CACNA1H: variants seen among roughly 807,000 people sequenced by gnomAD.
CACNA1H encodes voltage-dependent T-type calcium channel subunit alpha-1H.
CACNA1H carries 149 observed loss-of-function variants against 192.5 expected under a neutral mutation model. The ratio of observed to expected loss-of-function variants is 0.77; its 90% CI spans 0.68 to 0.89. The LOEUF (loss-of-function observed/expected upper bound fraction) is 0.89. Ranked by LOEUF, CACNA1H falls within the 40% of genes least tolerant of loss-of-function variation. The probability of loss-of-function intolerance (pLI) is 0.00; values close to 1 mark genes in which losing one functional copy is unlikely to be tolerated. For missense variants in CACNA1H, 4,257 were observed against 3,423.5 expected, an observed-to-expected ratio of 1.24 and a Z score of -6.08; for synonymous variants, 2,202 against 1,475.2, an observed-to-expected ratio of 1.49 and a Z score of -11.29.
Position 1,204,113 on chromosome 16 carries a change from C to T in CACNA1H, c.2106C>T (p.Tyr702=). ...CCTGTGAGCTGAAGAGCTGCCCGTA[C>T]TGCACCCGTGCCCTGGAGGACCCGG... is the stretch of plus-strand genomic sequence containing the variant. The part of the protein sequence containing the change: ...TLTCELKSCP[Y]CTRALEDPEG... Residue 702 remains tyrosine (Y), a synonymous_variant, in exon 10 of 35, where the codon TAC becomes TAT. Transcript: ENST00000348261. 2 of 1,611,880 alleles carry T rather than the reference C, an allele frequency of 1.2e-6. No individual in the cohort carries two copies. The highest frequency in any genetic ancestry group is 2.2e-5 in the South Asian group (2 of 90,864).
At chr16:1,161,082 C>T (rs1382102342) in intron 2 of CACNA1H, among the ~76,000 whole-genome samples, 3 of 152,184 alleles carry the variant, frequency 2.0e-5, no homozygotes, top group Admixed American at 1.3e-4. Context: ...GCACCCCCAG[C>T]CCTGCTTTGA....
Position 1,154,051 on chromosome 16 carries a change from CGGCGGGGGGCGGGG to C in CACNA1H, c.299+27_299+40del, listed in dbSNP as rs147910127. The C allele has an allele frequency of 7.4e-5, 49 of 661,400 alleles. No individual in the cohort carries two copies. Among genetic ancestry groups the C allele is most frequent in the Admixed American group, 1.1e-4 (1 of 9,022 alleles). The allele number at this position is 661,400 out of a possible 1,614,324, so 41.0% of individuals were successfully genotyped here. On this transcript the variant is annotated intron_variant, in intron 2 of 34. Transcript: ENST00000348261. ...GTCTGCAACCCATATCCTTCCCGGC[CGGCGGGGGGCGGGG>C]GGCGGGGGGCGTGGGGAGGGTGGGG...
Position 1,206,825 on chromosome 16 carries a change from A to G in CACNA1H, c.2790-176A>G, listed in dbSNP as rs548274025. The G allele has an allele frequency of 1.5e-4, 90 of 592,072 alleles. No individual in the cohort carries two copies. The South Asian group carries it at 1.8e-3, about 12-fold the overall frequency. The allele number at this position is 592,072 out of a possible 1,614,324, so 36.7% of individuals were successfully genotyped here. On this transcript the variant is annotated intron_variant, in intron 12 of 34. Transcript: ENST00000348261. ...GACACTACTGAGTTGTAGGGCAGGA[A>G]GTCCCTTTTAAGCTAGAGAGCTCGG...
At position 1,215,610 on chromosome 16, in the gene CACNA1H, C is replaced by T. The variant is rs201348517; in HGVS notation, c.5244+17C>T. ...CTCCCCCAGGTAGGTGGAGCCCGCGCCATCCTCAGCGCAGGCCCCCGGAAG... is the reference window on the plus strand; with the variant it reads ...CTCCCCCAGGTAGGTGGAGCCCGCGTCATCCTCAGCGCAGGCCCCCGGAAG... On this transcript the variant is annotated intron_variant, in intron 30 of 34. Transcript: ENST00000348261. The T allele has an allele frequency of 1.3e-4, 201 of 1,604,056 alleles. 2 individuals are homozygous for T. The African/African-American group carries it at 2.5e-3, about 20-fold the overall frequency.
At chr16:1,208,604 G>A (rs1408895759) in intron 16 of CACNA1H, among the ~76,000 whole-genome samples, 1 of 152,222 alleles carries the variant, frequency 6.6e-6, no homozygotes, top group Non-Finnish European at 1.5e-5. Flanking sequence ...TGGGTCCAGG[G>A]GGACTGGAGG....
Position 1,209,089 on chromosome 16 carries a change from C to T in CACNA1H, c.3421C>T (p.Arg1141Trp), listed in dbSNP as rs767952454. The change falls in exon 17 of 35, where the codon CGG (arginine) becomes TGG (tryptophan). Residue 1141 changes from arginine (R) to tryptophan (W), a missense_variant. By Grantham distance (101) the Arg-to-Trp change is moderately radical (BLOSUM62 -3). Coordinates refer to ENST00000348261, the MANE Select transcript of CACNA1H (RefSeq NM_021098.3). ...GGGCCCCAGTGGCGCCTGGAGCAGC[C>T]GGCGCTCCAGCTGGAGCAGCCTGGG... ...PWGPSGAWSS[R>W]RSSWSSLGRA... The T allele has an allele frequency of 3.9e-6, 6 of 1,544,510 alleles. No homozygotes were observed. The highest frequency in any genetic ancestry group is 4.4e-6 in the Non-Finnish European group (5 of 1,147,620).
In CACNA1H at chr16:1,198,340, C is replaced by T. The variant is rs1176206645; in HGVS notation, c.644-275C>T. ...CCTCCAAAAGCAGCAGACCTGCTGC[C>T]CTGGGATGGTTGGAGGTGGAGACCT... is the stretch of plus-strand genomic sequence containing the variant. On this transcript the variant is annotated intron_variant, in intron 5 of 34. Transcript: ENST00000348261. Among the ~76,000 whole-genome samples the T allele has an allele frequency of 2.6e-5, 4 of 152,298 alleles. No homozygotes were observed. The East Asian group carries it at 7.7e-4, about 29-fold the overall frequency.
rs917170228 is a variant in CACNA1H, at chr16:1,221,225, C to T, written c.*231C>T. On this transcript the variant is annotated 3_prime_UTR_variant, in exon 35 of 35. Transcript: ENST00000348261. ...TTCGGGTTTCTCCGAGTTTTGCTACCAGCCGAGGCTGTGCGGGCAACTGGG... is the reference window on the plus strand; with the variant it reads ...TTCGGGTTTCTCCGAGTTTTGCTACTAGCCGAGGCTGTGCGGGCAACTGGG... 2 of 506,620 alleles carry T rather than the reference C, an allele frequency of 3.9e-6. No homozygotes were observed. The highest frequency in any genetic ancestry group is 1.9e-5 in the African/African-American group (1 of 52,116). 31.4% of individuals were successfully genotyped at this position (506,620 alleles called of 1,614,324 possible). A position where few individuals can be genotyped will look rare whatever the true frequency, so the allele number is the denominator to read the frequency against.
At position 1,218,324 on chromosome 16, in the gene CACNA1H, G is replaced by A. The variant is rs1009428395; in HGVS notation, c.5560G>A (p.Val1854Met). The A allele has an allele frequency of 2.6e-6, 4 of 1,558,890 alleles. No homozygotes were observed. The highest frequency in any genetic ancestry group is 3.5e-6 in the Non-Finnish European group (4 of 1,152,064). The change falls in exon 33 of 35, where the codon GTG (valine) becomes ATG (methionine). Residue 1854 changes from valine to methionine, a missense_variant. By Grantham distance (21) the Val-to-Met change is conservative. Transcript: ENST00000348261. ...VLVAQFVLVN[V>M]VVAVLMKHLE... ...GGTGGCCCAGTTCGTGCTGGTGAAC[G>A]TGGTGGTGGCCGTGCTCATGAAGCA...
chr16:1,201,644 C>G lies in CACNA1H; in HGVS notation c.1213-19C>G, dbSNP rs1418472950. On this transcript the variant is annotated intron_variant, in intron 8 of 34. Transcript: ENST00000348261. ...GACTCGCTCACTCACTGCCACTTACCCGCCCGCCCCCGTCACAGGTGGGCT... is the reference window on the plus strand; with the variant it reads ...GACTCGCTCACTCACTGCCACTTACGCGCCCGCCCCCGTCACAGGTGGGCT... 5 of 1,553,182 alleles carry G rather than the reference C, an allele frequency of 3.2e-6. No homozygotes were observed. Among genetic ancestry groups the G allele is most frequent in the Middle Eastern group, 2.2e-4 (1 of 4,496 alleles).
In CACNA1H at chr16:1,180,800, A is replaced by G. The variant is rs1006120552; in HGVS notation, c.300-14172A>G. ...AGGCCCCTTAGGTGAAGAGGACCAG[A>G]GTGAGGTCAGCCCTGGTCCACAGCC... On this transcript the variant is annotated intron_variant, in intron 2 of 34. Transcript: ENST00000348261. This position sits in a 1 kb window ranked among gnomAD's most constrained non-coding sequence, Gnocchi z 4.4. Among the ~76,000 whole-genome samples the G allele has an allele frequency of 6.6e-6, 1 of 152,064 alleles. No individual in the cohort carries two copies. Among genetic ancestry groups the G allele is most frequent in the Non-Finnish European group, 1.5e-5 (1 of 67,964 alleles).
At chr16:1,202,498 C>T in intron 9 of CACNA1H, 46 bp downstream of exon 9, 7 of 1,421,674 alleles carry the variant, frequency 4.9e-6, no homozygotes, top group Non-Finnish European at 6.5e-6. Flanking sequence ...GGGACCTAGG[C>T]AGGGCGGGCA....
In CACNA1H at chr16:1,167,117, T is replaced by C. The variant is rs996936080; in HGVS notation, c.299+13081T>C. Reference sequence around the variant, plus strand: ...CACACCCAGCCGGAGTCCAGGGCTGTGGGAGTGGACACGGCCCTTCCTTTC... The same window carrying C: ...CACACCCAGCCGGAGTCCAGGGCTGCGGGAGTGGACACGGCCCTTCCTTTC... On this transcript the variant is annotated intron_variant, in intron 2 of 34. Transcript: ENST00000348261. This position sits in a 1 kb window ranked among gnomAD's most constrained non-coding sequence, Gnocchi z 4.2. 2.0e-5 allele frequency among the ~76,000 whole-genome samples: 3 copies of C among 152,114 alleles called. No individual in the cohort carries two copies. The highest frequency in any genetic ancestry group is 4.4e-5 in the Non-Finnish European group (3 of 68,030).
intron 33 of CACNA1H, 130 bp from the exon 34 acceptor site, chr16:1,218,836 TGAGA>T (rs982447665): frequency 1.2e-5 from 14 of 1,122,054 alleles, no homozygotes; most frequent in African/African-American, 8.8e-5. Flanking sequence ...TGTGGGCAGG[TGAGA>T]GAGAGGACGG....
intron 32 of CACNA1H, 70 bp downstream of exon 32, chr16:1,218,110 T>A: frequency 6.4e-7 from 1 of 1,550,658 alleles, no homozygotes. Flanking sequence ...CAGGAACGGG[T>A]CGGATCCGTC....
rs374307664 is a variant in CACNA1H, at chr16:1,210,493, C to G, written c.3969C>G (p.Thr1323=). ...LERPDIDPGS[T]ERVFLSVSNY... ...GGCCTGACATTGATCCCGGCAGCAC[C>G]GTGAGTCAGCCAACCCCATCGTCCC... The change falls in exon 19 of 35, where the codon ACC becomes ACG. Residue 1323 remains threonine (T), a splice_region_variant and synonymous_variant. Transcript: ENST00000348261. 2 of 1,611,738 alleles carry G rather than the reference C, an allele frequency of 1.2e-6. No homozygotes were observed. The highest frequency in any genetic ancestry group is 4.5e-5 in the East Asian group (2 of 44,868).
intron 34 of CACNA1H, 87 bp downstream of exon 34, chr16:1,219,217 C>A (rs529163293): frequency 3.0e-6 from 4 of 1,316,028 alleles, no homozygotes; most frequent in Non-Finnish European, 4.1e-6. Flanking sequence ...GACCAGCAGA[C>A]GAGGACAAGG....
chr16:1,154,528 G>A (rs1041183941), intron 2 of CACNA1H, among the ~76,000 whole-genome samples: 1 of 152,212 alleles, frequency 6.6e-6, no homozygotes, highest in South Asian at 2.1e-4. Context: ...TGCGTGGGGA[G>A]ACCCGTGGGG....
chr16:1,215,126 C>A (rs776721029), intron 28 of CACNA1H, 45 bp downstream of exon 28: 1 of 1,588,770 alleles, frequency 6.3e-7, no homozygotes, highest in East Asian at 2.3e-5. Context: ...CCCCTCAGGG[C>A]TCTGGGGGCT....
Sources: allele counts gnomAD v4.1 joint callset (sites outside exome capture counted in the v4.1 genomes callset), GRCh38; gene constraint gnomAD v4.1.1; non-coding constraint Gnocchi (gnomAD v3.1); transcripts MANE v1.5; gene names NCBI Gene and HGNC (gene_info 2026-07-23, HGNC 2026-07-21).